The following RPS17 variants were observed in gnomAD, a reference collection of about 807,000 sequenced individuals.
RPS17 encodes small ribosomal subunit protein eS17.
For synonymous variants in RPS17, 75 were observed against 65.6 expected (o/e 1.14, Z -0.70); for missense variants, 68 against 182.3 (o/e 0.37, Z 3.61).
Position 82,540,404 on chromosome 15 carries a change from G to A in RPS17, c.3+22C>T, listed in dbSNP as rs3809506. The A allele has an allele frequency of 1.2e-5, 19 of 1,593,660 alleles. No homozygotes were observed. In the East Asian group the frequency reaches 3.4e-4, roughly 28 times the overall value. ...ATGGGGGACGATTGTGGAGGATGGC[G>A]GCCTCGAGCCAAAACACCTACCATG... On this transcript the variant is annotated intron_variant, in intron 1 of 4. Transcript: ENST00000647841.
chr15:82,539,033 T>C (rs2150887853), intron 2 of RPS17, 48 bp from the exon 3 acceptor site: 1 of 1,568,000 alleles, frequency 6.4e-7, no homozygotes, highest in African/African-American at 1.3e-5. Flanking sequence ...ACAAATCAAC[T>C]CCCACCTGGT....
At chr15:82,539,478 A>G (rs2034304083) in intron 2 of RPS17, 1 of 458,704 alleles carries the variant, frequency 2.2e-6, no homozygotes, top group Non-Finnish European at 4.4e-6. Context: ...GCTTGAGGTC[A>G]GGTGTTCGAG....
chr15:82,539,291 T>G (rs2034298856), intron 2 of RPS17: 1 of 556,872 alleles, frequency 1.8e-6, no homozygotes, highest in African/African-American at 1.9e-5. Flanking sequence ...AATTTCAAAT[T>G]CACATAACTT....
intron 1 of RPS17, 83 bp downstream of exon 1, chr15:82,540,343 G>T (rs1205746416): frequency 6.3e-7 from 1 of 1,581,734 alleles, no homozygotes; most frequent in Non-Finnish European, 8.6e-7. Flanking sequence ...CCGGCCCAGG[G>T]CCTCTCTGTG....
intron 2 of RPS17, 131 bp from the exon 3 acceptor site, chr15:82,539,116 C>G: frequency 1.1e-6 from 1 of 890,872 alleles, no homozygotes; most frequent in South Asian, 1.3e-5. Flanking sequence ...GACTCACTAT[C>G]CTGGGACCTC....
intron 2 of RPS17, chr15:82,539,493 G>T (rs914444737): frequency 7.0e-5 from 32 of 458,130 alleles, no homozygotes; most frequent in Non-Finnish European, 1.1e-4. Flanking sequence ...TTCGAGACCA[G>T]CCTGGTCAAC....
Position 82,538,901 on chromosome 15 carries a change from C to T in RPS17, c.240G>A (p.Arg80=). ...TTACCTCAGGAACATAATTGTCTCT[C>T]CTTTCTCTCTCCTCCTCCTGCAGCT... ...SIKLQEEERE[R]RDNYVPEVSA... The change falls in exon 3 of 5, where the codon AGG becomes AGA. Residue 80 remains arginine, a synonymous_variant. Transcript: ENST00000647841. 1.2e-6 allele frequency: 2 copies of T among 1,613,992 alleles called. No homozygotes were observed. Among genetic ancestry groups the T allele is most frequent in the South Asian group, 2.2e-5 (2 of 91,080 alleles).
Position 82,540,005 on chromosome 15 carries a change from T to C in RPS17, c.131A>G (p.Lys44Arg). The part of the protein sequence containing the change: ...VCEEIAIIPS[K>R]KLRNKIAGYV... ...CCCTGCTATCTTGTTGCGGAGCTTTTTGCTGGGGATAATGGCGATCTCCTC... is the reference window on the plus strand; with the variant it reads ...CCCTGCTATCTTGTTGCGGAGCTTTCTGCTGGGGATAATGGCGATCTCCTC... Residue 44 changes from lysine (K) to arginine (R), a missense_variant, in exon 2 of 5, where the codon AAA (lysine) becomes AGA (arginine). Physicochemically the swap from Lys to Arg is conservative, Grantham distance 26 (BLOSUM62 2). Transcript: ENST00000647841. 2 of 1,612,102 alleles carry C rather than the reference T, an allele frequency of 1.2e-6. No homozygotes were observed. The highest frequency in any genetic ancestry group is 1.7e-6 in the Non-Finnish European group (2 of 1,179,858).
chr15:82,536,907 A>G, intron 4 of RPS17, 26 bp from the exon 5 acceptor site: 1 of 1,613,736 alleles, frequency 6.2e-7, no homozygotes, highest in Non-Finnish European at 8.5e-7. Context: ...GGATTCAGTG[A>G]GCAGTTACTG....
chr15:82,537,977 T>A (rs2034270085), intron 4 of RPS17: 1 of 471,162 alleles, frequency 2.1e-6, no homozygotes, highest in Non-Finnish European at 4.2e-6. Flanking sequence ...ACCAAAGGAA[T>A]GCCTTCACAG....
chr15:82,539,833 G>T, intron 2 of RPS17, 148 bp downstream of exon 2: 2 of 1,378,464 alleles, frequency 1.5e-6, no homozygotes, highest in Non-Finnish European at 2.1e-6. Flanking sequence ...CAGAAATCCT[G>T]CACACGCAGA....
chr15:82,540,000 G>A lies in RPS17; in HGVS notation c.136C>T (p.Leu46Phe). 2 of 1,612,150 alleles carry A rather than the reference G, an allele frequency of 1.2e-6. No individual in the cohort carries two copies. The highest frequency in any genetic ancestry group is 8.5e-7 in the Non-Finnish European group (1 of 1,179,872). ...ACTCACCCTGCTATCTTGTTGCGGA[G>A]CTTTTTGCTGGGGATAATGGCGATC... ...EEIAIIPSKK[L>F]RNKIAGYVTH... Residue 46 changes from leucine (L) to phenylalanine (F), a missense_variant, in exon 2 of 5, where the codon CTC becomes TTC. Physicochemically the swap from Leu to Phe is conservative, Grantham distance 22. Coordinates refer to ENST00000647841, the MANE Select transcript of RPS17 (RefSeq NM_001021.6).
intron 3 of RPS17, 176 bp from the exon 4 acceptor site, chr15:82,538,547 G>C (rs2034280459): frequency 1.3e-6 from 1 of 759,092 alleles, no homozygotes; most frequent in Admixed American, 2.0e-5. Context: ...TGTTCTTCTG[G>C]CCTTACCTTC....
intron 3 of RPS17, chr15:82,538,644 C>T (rs930376941): frequency 3.1e-6 from 2 of 651,016 alleles, no homozygotes; most frequent in Non-Finnish European, 5.5e-6. Context: ...CGAGCCACGA[C>T]AGCAGTCATC....
chr15:82,538,026 G>A (rs946196048), intron 4 of RPS17: 6 of 505,360 alleles, frequency 1.2e-5, no homozygotes, highest in African/African-American at 5.8e-5. Flanking sequence ...TGACACAAAG[G>A]GGGCAACGTA....
intron 4 of RPS17, chr15:82,537,197 G>A (rs988185910): frequency 4.7e-5 from 22 of 464,370 alleles, no homozygotes; most frequent in Non-Finnish European, 6.4e-5. Flanking sequence ...TCTTGGCAAC[G>A]TAGACATCCT....
At chr15:82,540,349 C>T in intron 1 of RPS17, 77 bp downstream of exon 1, 2 of 1,583,216 alleles carry the variant, frequency 1.3e-6, no homozygotes, top group South Asian at 1.1e-5. Context: ...CAGGGCCTCT[C>T]TGTGGGCTGA....
chr15:82,537,207 T>C, intron 4 of RPS17: 1 of 447,474 alleles, frequency 2.2e-6, no homozygotes, highest in Middle Eastern at 6.5e-4. Context: ...GTAGACATCC[T>C]GGGCTGGACA....
In RPS17 at chr15:82,539,798, T is replaced by C. The variant is rs909882968; in HGVS notation, c.155+183A>G. 8.3e-4 allele frequency: 923 copies of C among 1,108,226 alleles called. 6 individuals are homozygous for C. In the African/African-American group the frequency reaches 0.012, roughly 14 times the overall value. 68.6% of individuals were successfully genotyped at this position (1,108,226 alleles called of 1,614,324 possible). ...TTCGACCCAGGGTCACCGCGGCCAG[T>C]CATGACACAGGCCTAAGTTCACAAC... is the stretch of plus-strand genomic sequence containing the variant. On this transcript the variant is annotated intron_variant, in intron 2 of 4. Coordinates refer to ENST00000647841, the MANE Select transcript of RPS17 (RefSeq NM_001021.6).
Sources: allele counts gnomAD v4.1 joint callset, GRCh38; gene constraint gnomAD v4.1.1; transcripts MANE v1.5; gene names NCBI Gene and HGNC (gene_info 2026-07-23, HGNC 2026-07-21).